The following SPAG16 variants were observed in gnomAD, a reference collection of about 807,000 sequenced individuals.
The protein encoded by SPAG16 is sperm associated antigen 16.
In SPAG16, 86 loss-of-function variants were observed where a neutral mutation model predicts 80.4. That is an observed-to-expected ratio of 1.07 (90% confidence interval 0.90 to 1.28). The LOEUF (loss-of-function observed/expected upper bound fraction) is 1.28, where lower values mean the gene tolerates loss of function less well. Ranked by LOEUF, SPAG16 falls within the 50% of genes most tolerant of loss-of-function variation. The pLI is 0.00. For missense variants in SPAG16, 870 were observed against 765.3 expected (o/e 1.14, Z -1.61); for synonymous variants, 294 against 265.9 (o/e 1.11, Z -1.03).
chr2:213,757,886 C>A (rs576591820), intron 10 of SPAG16, among the ~76,000 whole-genome samples: 2 of 151,996 alleles, frequency 1.3e-5, no homozygotes, highest in Non-Finnish European at 2.9e-5. Flanking sequence ...TATTGTTGCA[C>A]CTCTATCCAT....
intron 13 of SPAG16, among the ~76,000 whole-genome samples, chr2:214,105,196 C>G (rs2053319482): frequency 6.6e-6 from 1 of 152,016 alleles, no homozygotes; most frequent in African/African-American, 2.4e-5. Flanking sequence ...CTGAGGGCAA[C>G]AGAACAAACA....
At chr2:214,245,307 C>T (rs780419421) in intron 15 of SPAG16, among the ~76,000 whole-genome samples, 4 of 152,140 alleles carry the variant, frequency 2.6e-5, no homozygotes, top group African/African-American at 4.8e-5. Context: ...GATTACCTGG[C>T]ACTTCTCCAC....
chr2:213,642,599 A>G (rs2062632814), intron 10 of SPAG16, among the ~76,000 whole-genome samples: 1 of 149,928 alleles, frequency 6.7e-6, no homozygotes, highest in Non-Finnish European at 1.5e-5. Flanking sequence ...AGCAGGCAGA[A>G]AAATGTGAAA....
intron 13 of SPAG16, among the ~76,000 whole-genome samples, chr2:214,033,483 A>C (rs2048529437): frequency 6.6e-6 from 1 of 152,164 alleles, no homozygotes; most frequent in Non-Finnish European, 1.5e-5. Context: ...ATCCAGGCAG[A>C]AGAGTTTGGT....
chr2:213,859,493 C>T (rs910094213), intron 10 of SPAG16, among the ~76,000 whole-genome samples: 1 of 152,120 alleles, frequency 6.6e-6, no homozygotes, highest in Non-Finnish European at 1.5e-5. Context: ...TAAATTGGTT[C>T]TTTACCTCAG....
At chr2:214,026,123 T>C (rs1327184455) in intron 13 of SPAG16, among the ~76,000 whole-genome samples, 2 of 151,502 alleles carry the variant, frequency 1.3e-5, no homozygotes, top group East Asian at 3.8e-4. Flanking sequence ...AAACAGTTTC[T>C]TTAGAAAAGC....
chr2:213,305,111 C>T (rs982652284), intron 3 of SPAG16, among the ~76,000 whole-genome samples: 4 of 151,966 alleles, frequency 2.6e-5, no homozygotes, highest in Admixed American at 1.3e-4. Context: ...AAGTTAACTT[C>T]TAGGTATATT....
intron 14 of SPAG16, among the ~76,000 whole-genome samples, chr2:214,129,266 G>A (rs1197154370): frequency 1.3e-5 from 2 of 152,134 alleles, no homozygotes; most frequent in Non-Finnish European, 2.9e-5. Flanking sequence ...GGAGTCTGCT[G>A]TGCTTTGTTT....
intron 10 of SPAG16, among the ~76,000 whole-genome samples, chr2:213,640,218 A>G (rs1260795306): frequency 6.6e-6 from 1 of 152,084 alleles, no homozygotes; most frequent in East Asian, 1.9e-4. Context: ...TAGCTTAATA[A>G]TTGACCTTCT....
chr2:213,837,426 C>T (rs1360847791), intron 10 of SPAG16, among the ~76,000 whole-genome samples: 2 of 152,182 alleles, frequency 1.3e-5, no homozygotes, highest in Non-Finnish European at 2.9e-5. Flanking sequence ...CCAAATGGTC[C>T]TTGTGCTATG....
chr2:213,907,338 C>T (rs2077471397), intron 11 of SPAG16, among the ~76,000 whole-genome samples: 3 of 152,132 alleles, frequency 2.0e-5, no homozygotes, highest in Admixed American at 2.0e-4. Flanking sequence ...GATATTGTCT[C>T]ACCCTAGTTA....
chr2:213,730,169 G>A (rs545483306), intron 10 of SPAG16, among the ~76,000 whole-genome samples: 1 of 152,244 alleles, frequency 6.6e-6, no homozygotes, highest in African/African-American at 2.4e-5. Flanking sequence ...AACCATCAGA[G>A]GAATCCCATT....
At chr2:213,495,406 C>T (rs1052251675) in intron 10 of SPAG16, among the ~76,000 whole-genome samples, 7 of 152,216 alleles carry the variant, frequency 4.6e-5, no homozygotes, top group Non-Finnish European at 8.8e-5. Context: ...TGAGCTATCT[C>T]TTTGTGAAAT....
At chr2:214,032,086 T>C (rs2048443840) in intron 13 of SPAG16, among the ~76,000 whole-genome samples, 1 of 152,196 alleles carries the variant, frequency 6.6e-6, no homozygotes, top group South Asian at 2.1e-4. Context: ...CCCTTCTTTA[T>C]TTCCCTTTTC....
intron 15 of SPAG16, among the ~76,000 whole-genome samples, chr2:214,264,815 A>G (rs1691435126): frequency 6.6e-6 from 1 of 152,058 alleles, no homozygotes; most frequent in Non-Finnish European, 1.5e-5. Flanking sequence ...GGCAATCACA[A>G]ATTCTTTTTA....
intron 15 of SPAG16, chr2:214,280,680 CT>C: frequency 3.1e-6 from 1 of 326,316 alleles, no homozygotes. Flanking sequence ...AGCTTGCCTT[CT>C]TTTGAGCTAC....
intron 9 of SPAG16, among the ~76,000 whole-genome samples, chr2:213,421,935 A>C (rs1216119164): frequency 6.6e-6 from 1 of 152,076 alleles, no homozygotes; most frequent in Admixed American, 6.5e-5. Flanking sequence ...GAAATGAGCT[A>C]CCCACTTTGG....
At chr2:213,315,343 C>T (rs774748321) in intron 4 of SPAG16, among the ~76,000 whole-genome samples, 1 of 151,930 alleles carries the variant, frequency 6.6e-6, no homozygotes, top group Non-Finnish European at 1.5e-5. Context: ...TCTTCTCCCT[C>T]AGACTCTAAT....
At chr2:213,326,368 G>A (rs978885518) in intron 5 of SPAG16, among the ~76,000 whole-genome samples, 3 of 151,908 alleles carry the variant, frequency 2.0e-5, no homozygotes, top group Non-Finnish European at 4.4e-5. Context: ...GACCCATTTA[G>A]TTTTATGACT....
Sources: allele counts gnomAD v4.1 joint callset (sites outside exome capture counted in the v4.1 genomes callset), GRCh38; gene constraint gnomAD v4.1.1; transcripts MANE v1.5; gene names NCBI Gene and HGNC (gene_info 2026-07-23, HGNC 2026-07-21).